The following LRFN5 variants were observed in gnomAD, a reference collection of about 807,000 sequenced individuals.
LRFN5 encodes leucine rich repeat and fibronectin type III domain containing 5, also known as leucine-rich repeat and fibronectin type-III domain-containing protein 5.
In LRFN5, 24 loss-of-function variants were observed where a neutral mutation model predicts 45.6. The ratio of observed to expected loss-of-function variants is 0.53; its 90% CI spans 0.38 to 0.74. LRFN5 has a LOEUF of 0.74. Ranked by LOEUF, LRFN5 falls within the 30% of genes least tolerant of loss-of-function variation. The pLI is 0.00. For synonymous variants in LRFN5, 340 were observed against 313.8 expected (o/e 1.08, Z -0.88); for missense variants, 776 against 861.5 (o/e 0.90, Z 1.24).
chr14:41,650,147 C>A (rs1594581592), intron 1 of LRFN5, among the ~76,000 whole-genome samples: 1 of 151,622 alleles, frequency 6.6e-6, no homozygotes, highest in Non-Finnish European at 1.5e-5. Flanking sequence ...GTAATCCCAG[C>A]ACTTTGGGAG....
chr14:41,868,359 T>C (rs1889907588), intron 2 of LRFN5, among the ~76,000 whole-genome samples: 1 of 152,182 alleles, frequency 6.6e-6, no homozygotes. Context: ...TATTGAGTAG[T>C]ATTTTAATTA....
chr14:41,872,790 G>A (rs1406885666), intron 2 of LRFN5, among the ~76,000 whole-genome samples: 1 of 152,210 alleles, frequency 6.6e-6, no homozygotes, highest in African/African-American at 2.4e-5. Flanking sequence ...AATGCAATGG[G>A]TAAAAATTAG....
chr14:41,614,430 A>C (rs1279710407), intron 1 of LRFN5, among the ~76,000 whole-genome samples: 1 of 152,160 alleles, frequency 6.6e-6, no homozygotes, highest in Non-Finnish European at 1.5e-5. Context: ...AATATCAGGC[A>C]CTTAAACAAT....
At chr14:41,757,255 G>A (rs182468481) in intron 1 of LRFN5, among the ~76,000 whole-genome samples, 32 of 152,318 alleles carry the variant, frequency 2.1e-4, no homozygotes, top group Admixed American at 1.9e-3. Flanking sequence ...CCAGCTGCGT[G>A]CTGGGAGAAC....
At position 41,887,292 on chromosome 14, in the gene LRFN5, G is replaced by A; in HGVS notation, c.667G>A (p.Ala223Thr). The A allele has an allele frequency of 6.2e-7, 1 of 1,614,182 alleles. No individual in the cohort carries two copies. Among genetic ancestry groups the A allele is most frequent in the Non-Finnish European group, 8.5e-7 (1 of 1,180,042 alleles). ...DPLFQRAQVL[A>T]TSGIISPSTF... is the part of the protein sequence containing the mutation. The stretch of plus-strand genomic sequence containing the variant: ...TCTCTTTCAGCGAGCTCAGGTACTA[G>A]CAACCTCAGGAATCATAAGCCCATC... The change falls in exon 3 of 6, where the codon GCA becomes ACA. Residue 223 changes from alanine (A) to threonine (T), a missense_variant. By Grantham distance (58) the Ala-to-Thr change is moderately conservative (BLOSUM62 0). This residue lies in a region of LRFN5 where 311 missense variants were observed against 405.1 expected (regional missense o/e 0.77). Coordinates refer to ENST00000298119, the MANE Select transcript of LRFN5 (RefSeq NM_152447.5). This position sits in a 1 kb window ranked among gnomAD's most constrained non-coding sequence, Gnocchi z 4.8.
At chr14:41,627,091 A>C (rs1242186094) in intron 1 of LRFN5, among the ~76,000 whole-genome samples, 1 of 152,174 alleles carries the variant, frequency 6.6e-6, no homozygotes, top group African/African-American at 2.4e-5. Context: ...TAACTTTCAC[A>C]GCAGAACTCT....
intron 1 of LRFN5, among the ~76,000 whole-genome samples, chr14:41,685,807 C>T (rs183453275): frequency 4.7e-4 from 71 of 152,166 alleles, no homozygotes; most frequent in African/African-American, 1.4e-3. Context: ...GGTTTCTGTA[C>T]GGCTTCATTA....
intron 2 of LRFN5, among the ~76,000 whole-genome samples, chr14:41,879,409 A>G (rs1464990026): frequency 1.3e-5 from 2 of 151,986 alleles, no homozygotes; most frequent in Non-Finnish European, 2.9e-5. Context: ...CAAGAATAGC[A>G]TGAAGAATTT....
chr14:41,812,838 C>T (rs1887781401), intron 2 of LRFN5, among the ~76,000 whole-genome samples: 1 of 151,896 alleles, frequency 6.6e-6, no homozygotes, highest in Non-Finnish European at 1.5e-5. Flanking sequence ...GAGAACAAGG[C>T]AGTGTAAGTA....
At chr14:41,807,193 A>C (rs1887554025) in intron 2 of LRFN5, among the ~76,000 whole-genome samples, 3 of 152,216 alleles carry the variant, frequency 2.0e-5, no homozygotes, top group Non-Finnish European at 2.9e-5. Flanking sequence ...CCAGAAGTTA[A>C]AGGATGTCTA....
intron 1 of LRFN5, among the ~76,000 whole-genome samples, chr14:41,739,495 A>G: frequency 6.8e-6 from 1 of 148,086 alleles, no homozygotes; most frequent in Non-Finnish European, 1.5e-5. Flanking sequence ...GATAAATTAA[A>G]AGAAAAAAAA....
At chr14:41,614,906 C>T (rs1199299098) in intron 1 of LRFN5, among the ~76,000 whole-genome samples, 1 of 151,914 alleles carries the variant, frequency 6.6e-6, no homozygotes, top group Non-Finnish European at 1.5e-5. Context: ...AGGTAATAAT[C>T]GTATGGCTTC....
At chr14:41,829,215 G>T (rs138836685) in intron 2 of LRFN5, among the ~76,000 whole-genome samples, 292 of 152,002 alleles carry the variant, frequency 1.9e-3, no homozygotes, top group African/African-American at 6.8e-3. Context: ...TGAAGACAGA[G>T]ATTAGTTCTG....
intron 2 of LRFN5, among the ~76,000 whole-genome samples, chr14:41,781,146 G>T (rs563808697): frequency 6.6e-6 from 1 of 151,890 alleles, no homozygotes; most frequent in African/African-American, 2.4e-5. Flanking sequence ...TATACCAATT[G>T]AAGTTCTGAC....
rs577591321 is a variant in LRFN5 at position 41,711,518 on chromosome 14, T to A, written c.-196-55336T>A. ...ACAGAGGACATATGTATATATCTCC[T>A]GAGAATTCAAATCTCCCCATCATGT... On this transcript the variant is annotated intron_variant, in intron 1 of 5. Transcript: ENST00000298119. 1.1e-4 allele frequency among the ~76,000 whole-genome samples: 16 copies of A among 152,332 alleles called. No homozygotes were observed. The South Asian group carries it at 3.1e-3, about 30-fold the overall frequency.
intron 1 of LRFN5, among the ~76,000 whole-genome samples, chr14:41,611,239 A>G (rs1190086317): frequency 6.6e-5 from 10 of 152,218 alleles, no homozygotes; most frequent in African/African-American, 2.4e-4. Context: ...GAGTTAGGTT[A>G]AAGGTCATAA....
intron 1 of LRFN5, among the ~76,000 whole-genome samples, chr14:41,624,471 A>G (rs1453235888): frequency 3.9e-5 from 6 of 152,162 alleles, no homozygotes; most frequent in African/African-American, 1.4e-4. Flanking sequence ...CGAAAGTAGC[A>G]TATAGCAAAA....
chr14:41,715,586 C>T (rs993998271), intron 1 of LRFN5, among the ~76,000 whole-genome samples: 1 of 152,266 alleles, frequency 6.6e-6, no homozygotes, highest in East Asian at 1.9e-4. Context: ...TAACAGAATA[C>T]CACAGACTGG....
chr14:41,686,128 C>T (rs966093438), intron 1 of LRFN5, among the ~76,000 whole-genome samples: 4 of 151,838 alleles, frequency 2.6e-5, no homozygotes, highest in African/African-American at 4.8e-5. Context: ...TGTTTGTGTC[C>T]GCTCTTATTT....
Sources: allele counts gnomAD v4.1 joint callset (sites outside exome capture counted in the v4.1 genomes callset), GRCh38; gene constraint gnomAD v4.1.1; regional missense constraint gnomAD v4.1.1; non-coding constraint Gnocchi (gnomAD v3.1); transcripts MANE v1.5; gene names NCBI Gene and HGNC (gene_info 2026-07-23, HGNC 2026-07-21).